Variants in SGCD observed in about 807,000 individuals in gnomAD.
SGCD encodes the protein sarcoglycan delta.
SGCD carries 18 observed loss-of-function variants against 36.6 expected under a neutral mutation model. That is an observed-to-expected ratio of 0.49 (90% CI 0.34 to 0.73). The LOEUF is 0.73. SGCD is among the 30% of genes least tolerant of loss of function. The probability of loss-of-function intolerance (pLI) is 0.01; values close to 1 mark genes in which losing one functional copy is unlikely to be tolerated. For synonymous variants in SGCD, 133 were observed against 130.6 expected (o/e 1.02, Z -0.12); for missense variants, 387 against 346.7 (o/e 1.12, Z -0.92).
intron 3 of SGCD, among the ~76,000 whole-genome samples, chr5:156,304,668 T>A (rs1767155105): frequency 6.6e-6 from 1 of 152,144 alleles, no homozygotes; most frequent in South Asian, 2.1e-4. Flanking sequence ...TGGAACTGGG[T>A]AACAGGCAGA....
At chr5:156,685,942 G>T (rs956833796) in intron 7 of SGCD, among the ~76,000 whole-genome samples, 2 of 151,794 alleles carry the variant, frequency 1.3e-5, no homozygotes, top group Non-Finnish European at 2.9e-5. Context: ...AGGAGGGAGA[G>T]GGGCAGAAAA....
At chr5:155,920,180 A>T (rs1203472740) in intron 1 of SGCD, among the ~76,000 whole-genome samples, 1 of 152,210 alleles carries the variant, frequency 6.6e-6, no homozygotes, top group South Asian at 2.1e-4. Context: ...ACACTGCAAT[A>T]GTCTTTGGAG....
At chr5:156,706,155 A>G (rs1184991465) in intron 7 of SGCD, among the ~76,000 whole-genome samples, 1 of 152,090 alleles carries the variant, frequency 6.6e-6, no homozygotes, top group Non-Finnish European at 1.5e-5. Flanking sequence ...TCCAACCCAT[A>G]AGGATTATTA....
intron 7 of SGCD, among the ~76,000 whole-genome samples, chr5:156,728,767 G>C (rs1755911592): frequency 6.6e-6 from 1 of 152,004 alleles, no homozygotes; most frequent in Admixed American, 6.6e-5. Context: ...ACTACCCCAG[G>C]ATTCAAACAC....
intron 3 of SGCD, among the ~76,000 whole-genome samples, chr5:156,450,533 C>T (rs1753961392): frequency 7.8e-6 from 1 of 127,686 alleles, no homozygotes; most frequent in Non-Finnish European, 1.7e-5. Context: ...CTGAGACATT[C>T]ATTAAAAAAA....
chr5:156,629,747 G>C (rs1293361296), intron 6 of SGCD, among the ~76,000 whole-genome samples: 3 of 152,066 alleles, frequency 2.0e-5, no homozygotes, highest in African/African-American at 7.2e-5. Flanking sequence ...AATGAATATG[G>C]CTGTGTTCTA....
intron 3 of SGCD, among the ~76,000 whole-genome samples, chr5:156,440,449 A>G (rs4705017): frequency 0.77 from 117,225 of 152,142 alleles, 45,952 homozygotes; most frequent in Middle Eastern, 0.91. Context: ...ACATTTCTGT[A>G]TGGCATATGT....
At chr5:155,858,260 A>G in the SGCD span, among the ~76,000 whole-genome samples, 1 of 152,108 alleles carries the variant, frequency 6.6e-6, no homozygotes, top group East Asian at 1.9e-4. Context: ...TTTATTTTCA[A>G]CATTTTGATA....
chr5:155,931,760 C>A (rs1196159878), intron 1 of SGCD, among the ~76,000 whole-genome samples: 1 of 152,172 alleles, frequency 6.6e-6, no homozygotes, highest in Non-Finnish European at 1.5e-5. Context: ...TGCTTTCAGC[C>A]ACTTACTATC....
chr5:156,580,182 C>A (rs77541089), intron 4 of SGCD, among the ~76,000 whole-genome samples: 1 of 152,102 alleles, frequency 6.6e-6, no homozygotes, highest in African/African-American at 2.4e-5. Flanking sequence ...AAGCTTATTT[C>A]GGCTGAATAT....
At chr5:156,682,289 AT>A (rs768563292) in intron 7 of SGCD, among the ~76,000 whole-genome samples, 272 of 152,376 alleles carry the variant, frequency 1.8e-3, no homozygotes, top group Non-Finnish European at 3.2e-3. Context: ...GTATAGGTTT[AT>A]TCTCGTTGAG....
intron 1 of SGCD, among the ~76,000 whole-genome samples, chr5:155,960,051 A>G (rs1757759597): frequency 6.6e-6 from 1 of 152,106 alleles, no homozygotes; most frequent in Admixed American, 6.6e-5. Flanking sequence ...AGATTCAAAA[A>G]CAGTGATTTC....
rs113145548 is a variant in SGCD, at chr5:156,016,815, G to A, written c.-281-101063G>A. 4.9e-3 allele frequency among the ~76,000 whole-genome samples: 744 copies of A among 152,208 alleles called. 9 individuals are homozygous for A. Among genetic ancestry groups the A allele is most frequent in the African/African-American group, 0.017 (695 of 41,540 alleles). On this transcript the variant is annotated intron_variant, in intron 1 of 9. Transcript: ENST00000517913. ...TAATCACCTCTGTTTGGGCATTTAA[G>A]AGAATTGTCAATACTTTGCAATTGT... is the stretch of plus-strand genomic sequence containing the variant.
At chr5:156,376,461 A>G (rs1413654880) in intron 3 of SGCD, among the ~76,000 whole-genome samples, 4 of 152,228 alleles carry the variant, frequency 2.6e-5, no homozygotes, top group East Asian at 1.9e-4. Flanking sequence ...TTGATGAACT[A>G]ATCTCCAGAA....
chr5:155,753,056 G>T, the SGCD span, among the ~76,000 whole-genome samples: 2 of 152,068 alleles, frequency 1.3e-5, no homozygotes, highest in South Asian at 4.1e-4. Flanking sequence ...AAATGATCTC[G>T]GCCGGGCGCA....
chr5:155,878,606 C>G (rs1755814204), intron 1 of SGCD, among the ~76,000 whole-genome samples: 3 of 151,900 alleles, frequency 2.0e-5, no homozygotes. Context: ...TTGGAATAAC[C>G]CAGCCTCCCT....
chr5:156,450,072 G>C (rs1753940474), intron 3 of SGCD, among the ~76,000 whole-genome samples: 2 of 152,060 alleles, frequency 1.3e-5, no homozygotes, highest in Admixed American at 1.3e-4. Context: ...CCCTCCTTTT[G>C]TAACCCTTCA....
chr5:156,742,040 T>A (rs1340096836), intron 7 of SGCD, among the ~76,000 whole-genome samples: 2 of 152,110 alleles, frequency 1.3e-5, no homozygotes, highest in Non-Finnish European at 2.9e-5. Context: ...CACGCCTGGC[T>A]AATTTTTTGT....
chr5:156,398,937 A>G (rs527973331), intron 3 of SGCD, among the ~76,000 whole-genome samples: 7 of 152,302 alleles, frequency 4.6e-5, no homozygotes, highest in Admixed American at 1.3e-4. Context: ...GCATTTTGTA[A>G]GTGCTCAATA....
Sources: gnomAD v4.1 joint callset for allele counts (sites outside exome capture counted in the v4.1 genomes callset) on GRCh38, gnomAD v4.1.1 for gene constraint, MANE v1.5 for transcripts, NCBI Gene and HGNC (gene_info 2026-07-23, HGNC 2026-07-21) for gene names.